GALNT18: variants seen among roughly 807,000 people sequenced by gnomAD.
The protein encoded by GALNT18 is GalNAc-transferase 18.
GALNT18 carries 44 observed loss-of-function variants against 69.5 expected under a neutral mutation model. The observed-to-expected ratio is 0.63, with a 90% CI of 0.50 to 0.81. GALNT18 has a LOEUF of 0.81. Ranked by LOEUF, GALNT18 falls within the 40% of genes least tolerant of loss-of-function variation. The pLI, the probability that GALNT18 is intolerant of heterozygous loss-of-function variation, is 0.00. For synonymous variants in GALNT18, 364 were observed against 318.2 expected (o/e 1.14, Z -1.53); for missense variants, 715 against 810.0 (o/e 0.88, Z 1.42).
chr11:11,614,269 A>G lies in GALNT18; in HGVS notation c.235+7090T>C, dbSNP rs1859988881. ...CTCCTGGGGAGACTCCAGGAAGCTT[A>G]CAATCACAGCAGAAGGTAACAGGGA... is the stretch of plus-strand genomic sequence containing the variant. On this transcript the variant is annotated intron_variant, in intron 1 of 10. Coordinates refer to ENST00000227756, the MANE Select transcript of GALNT18 (RefSeq NM_198516.3). This position sits in a 1 kb window ranked among gnomAD's most constrained non-coding sequence, Gnocchi z 5.6. 1.3e-5 allele frequency among the ~76,000 whole-genome samples: 2 copies of G among 152,096 alleles called. No homozygotes were observed. Among genetic ancestry groups the G allele is most frequent in the Admixed American group, 1.3e-4 (2 of 15,264 alleles).
chr11:11,475,720 T>C (rs778897135), intron 1 of GALNT18: 3 of 152,186 alleles, frequency 2.0e-5, no homozygotes, highest in Non-Finnish European at 4.4e-5. Flanking sequence ...TTCGTTTTGT[T>C]TTCAGAAGAA....
chr11:11,529,901 T>C (rs1049184669), intron 1 of GALNT18, among the ~76,000 whole-genome samples: 3 of 152,234 alleles, frequency 2.0e-5, no homozygotes, highest in Admixed American at 1.3e-4. Flanking sequence ...ATACTCAGTA[T>C]GAATTATTCT....
intron 9 of GALNT18, among the ~76,000 whole-genome samples, chr11:11,302,210 G>A (rs1467951042): frequency 2.0e-5 from 3 of 152,176 alleles, no homozygotes; most frequent in Admixed American, 1.3e-4. Context: ...ACATCTGAGG[G>A]GCTCTAAGAG....
chr11:11,329,007 A>G (rs907887994), intron 8 of GALNT18, among the ~76,000 whole-genome samples: 1 of 151,262 alleles, frequency 6.6e-6, no homozygotes, highest in African/African-American at 2.4e-5. Context: ...ACCATCCCTT[A>G]GGCAGGTAGT....
In GALNT18 at chr11:11,436,700, G is replaced by A. The variant is rs1855411149; in HGVS notation, c.429-3913C>T. Among the ~76,000 whole-genome samples the A allele has an allele frequency of 6.6e-6, 1 of 152,116 alleles. No homozygotes were observed. The highest frequency in any genetic ancestry group is 1.5e-5 in the Non-Finnish European group (1 of 68,016). On this transcript the variant is annotated intron_variant, in intron 2 of 10. Coordinates refer to ENST00000227756, the MANE Select transcript of GALNT18 (RefSeq NM_198516.3). The surrounding 1 kb of genome is among the most constrained non-coding windows in gnomAD (Gnocchi z 4.5). ...CAGAATGTACATTGCTGAAGGGCAG[G>A]GGCAAAAAGAGGGAAGAAGAGCATA...
chr11:11,580,836 G>A (rs1415367393), intron 1 of GALNT18, among the ~76,000 whole-genome samples: 1 of 152,216 alleles, frequency 6.6e-6, no homozygotes, highest in Non-Finnish European at 1.5e-5. Context: ...ATCTCCAAGG[G>A]CAGTTCTGTA....
intron 1 of GALNT18, among the ~76,000 whole-genome samples, chr11:11,549,150 A>C (rs1413437821): frequency 6.6e-6 from 1 of 152,240 alleles, no homozygotes; most frequent in African/African-American, 2.4e-5. Context: ...GCTAGAATGC[A>C]CACATAATGA....
chr11:11,440,427 G>T (rs1855509478), intron 2 of GALNT18, among the ~76,000 whole-genome samples: 1 of 152,208 alleles, frequency 6.6e-6, no homozygotes, highest in Non-Finnish European at 1.5e-5. Context: ...CTACAGCTGA[G>T]GAAGGTGGGG....
At chr11:11,569,947 G>T (rs531779768) in intron 1 of GALNT18, 11 of 152,388 alleles carry the variant, frequency 7.2e-5, no homozygotes, top group African/African-American at 2.6e-4. Flanking sequence ...TTTATAAAGA[G>T]GGACAGAAGC....
chr11:11,582,939 T>C lies in GALNT18; in HGVS notation c.235+38420A>G, dbSNP rs138840636. Among the ~76,000 whole-genome samples, 63 of 152,304 alleles carry C rather than the reference T, an allele frequency of 4.1e-4. No individual in the cohort carries two copies. The East Asian group carries it at 7.3e-3, about 18-fold the overall frequency. On this transcript the variant is annotated intron_variant, in intron 1 of 10. Transcript: ENST00000227756. This position sits in a 1 kb window ranked among gnomAD's most constrained non-coding sequence, Gnocchi z 5.0. ...CCCACAGAAGTGGTTGTCATGGTCCTGCAGAGAGGAAGATCTAAGATTTCC... is the reference window on the plus strand; with the variant it reads ...CCCACAGAAGTGGTTGTCATGGTCCCGCAGAGAGGAAGATCTAAGATTTCC...
In GALNT18 at chr11:11,555,600, C is replaced by G. The variant is rs952037432; in HGVS notation, c.235+65759G>C. Among the ~76,000 whole-genome samples, 1 of 152,150 alleles carries G rather than the reference C, an allele frequency of 6.6e-6. No individual in the cohort carries two copies. Among genetic ancestry groups the G allele is most frequent in the African/African-American group, 2.4e-5 (1 of 41,438 alleles). Reference sequence around the variant, plus strand: ...ATAAATTCCTGTTGTTTTAAGCCACCCACTTTATTACAGAACCCTAGGAAA... The same window carrying G: ...ATAAATTCCTGTTGTTTTAAGCCACGCACTTTATTACAGAACCCTAGGAAA... On this transcript the variant is annotated intron_variant, in intron 1 of 10. Transcript: ENST00000227756. This position sits in a 1 kb window ranked among gnomAD's most constrained non-coding sequence, Gnocchi z 4.7.
intron 3 of GALNT18, among the ~76,000 whole-genome samples, chr11:11,400,455 C>T (rs1203089859): frequency 1.3e-5 from 2 of 152,228 alleles, no homozygotes; most frequent in Non-Finnish European, 2.9e-5. Context: ...CTGCGGCAAA[C>T]CAGAGAATGT....
In GALNT18 at chr11:11,421,783, C is replaced by G. The variant is rs570804905; in HGVS notation, c.595+10838G>C. Among the ~76,000 whole-genome samples, 1 of 151,608 alleles carries G rather than the reference C, an allele frequency of 6.6e-6. No individual in the cohort carries two copies. Among genetic ancestry groups the G allele is most frequent in the Admixed American group, 6.5e-5 (1 of 15,274 alleles). On this transcript the variant is annotated intron_variant, in intron 3 of 10. Coordinates refer to ENST00000227756, the MANE Select transcript of GALNT18 (RefSeq NM_198516.3). This position sits in a 1 kb window ranked among gnomAD's most constrained non-coding sequence, Gnocchi z 5.6. Reference sequence around the variant, plus strand: ...GCAGAGGTCAGGACTGGCCACGCTGCTAGCACACAGCATCTTGATGTACTT... The same window carrying G: ...GCAGAGGTCAGGACTGGCCACGCTGGTAGCACACAGCATCTTGATGTACTT...
At chr11:11,567,760 G>A (rs1329380393) in intron 1 of GALNT18, among the ~76,000 whole-genome samples, 2 of 152,186 alleles carry the variant, frequency 1.3e-5, no homozygotes, top group African/African-American at 4.8e-5. Flanking sequence ...CTTTCTCAAT[G>A]TCTCCAAGAC....
chr11:11,482,832 G>C (rs906748585), intron 1 of GALNT18, among the ~76,000 whole-genome samples: 2 of 151,724 alleles, frequency 1.3e-5, no homozygotes, highest in African/African-American at 4.8e-5. Flanking sequence ...CAGATGCACA[G>C]GGCTTGTCCT....
chr11:11,432,240 G>A lies in GALNT18; in HGVS notation c.595+381C>T, dbSNP rs1855281385. On this transcript the variant is annotated intron_variant, in intron 3 of 10. Coordinates refer to ENST00000227756, the MANE Select transcript of GALNT18 (RefSeq NM_198516.3). This position sits in a 1 kb window ranked among gnomAD's most constrained non-coding sequence, Gnocchi z 5.8. Reference sequence around the variant, plus strand: ...CTGCCACTGCTAACATAACACCAGTGAACAATCTTCCAGGCAGAGGCTGTG... The same window carrying A: ...CTGCCACTGCTAACATAACACCAGTAAACAATCTTCCAGGCAGAGGCTGTG... Among the ~76,000 whole-genome samples the A allele has an allele frequency of 6.6e-6, 1 of 152,180 alleles. No homozygotes were observed. Among genetic ancestry groups the A allele is most frequent in the Non-Finnish European group, 1.5e-5 (1 of 68,038 alleles).
intron 6 of GALNT18, chr11:11,352,949 G>A: frequency 6.2e-7 from 1 of 1,614,052 alleles, no homozygotes; most frequent in South Asian, 1.1e-5. Flanking sequence ...TTGTGATGTT[G>A]ATGGCTTCAA....
chr11:11,284,930 T>TTTTA (rs1554909662), intron 10 of GALNT18, among the ~76,000 whole-genome samples: 8 of 134,716 alleles, frequency 5.9e-5, no homozygotes, highest in African/African-American at 1.9e-4. Context: ...TTTTTTTTTT[T>TTTTA]AACTACTTGG....
chr11:11,565,198 G>A (rs1008882441), intron 1 of GALNT18, among the ~76,000 whole-genome samples: 1 of 152,164 alleles, frequency 6.6e-6, no homozygotes, highest in South Asian at 2.1e-4. Flanking sequence ...GTTCCCAGAG[G>A]TCTATAAGGG....
Sources: gnomAD v4.1 joint callset for allele counts (sites outside exome capture counted in the v4.1 genomes callset) on GRCh38, gnomAD v4.1.1 for gene constraint, Gnocchi (gnomAD v3.1) non-coding constraint, MANE v1.5 for transcripts, NCBI Gene and HGNC (gene_info 2026-07-23, HGNC 2026-07-21) for gene names.